MMS22L: variants seen among roughly 807,000 people sequenced by gnomAD.
MMS22L encodes protein MMS22-like.
A neutral mutation model predicts 159.1 loss-of-function variants in MMS22L; 74 were observed. The ratio of observed to expected loss-of-function variants is 0.47; its 90% confidence interval spans 0.39 to 0.56. The LOEUF (loss-of-function observed/expected upper bound fraction) is 0.56, where lower values mean the gene tolerates loss of function less well. Ranked by LOEUF, MMS22L falls within the 20% of genes least tolerant of loss-of-function variation. MMS22L has a pLI of 0.00. For missense variants in MMS22L, 1,351 were observed against 1,422.1 expected (o/e 0.95, Z 0.80); for synonymous variants, 517 against 506.9 (o/e 1.02, Z -0.27).
intron 14 of MMS22L, among the ~76,000 whole-genome samples, chr6:97,197,576 T>A (rs1806668645): frequency 6.6e-6 from 1 of 152,166 alleles, no homozygotes; most frequent in Non-Finnish European, 1.5e-5. Flanking sequence ...GTTTTTGGGA[T>A]TTCAAATACA....
chr6:97,192,195 T>C (rs1040532008), intron 14 of MMS22L, among the ~76,000 whole-genome samples: 1 of 150,066 alleles, frequency 6.7e-6, no homozygotes, highest in Non-Finnish European at 1.5e-5. Context: ...GATGGATGGA[T>C]GGATGGATGG....
chr6:97,204,159 T>A (rs1172869541), intron 14 of MMS22L, among the ~76,000 whole-genome samples: 2 of 152,186 alleles, frequency 1.3e-5, no homozygotes, highest in African/African-American at 4.8e-5. Context: ...GTATTTGTAT[T>A]TTTTTATAAA....
chr6:97,195,884 G>A (rs1160940657), intron 14 of MMS22L, among the ~76,000 whole-genome samples: 1 of 152,150 alleles, frequency 6.6e-6, no homozygotes, highest in Non-Finnish European at 1.5e-5. Context: ...GAAGGAAAAA[G>A]CCAACACTAA....
At chr6:97,163,339 G>A (rs941469265) in intron 21 of MMS22L, among the ~76,000 whole-genome samples, 23 of 151,936 alleles carry the variant, frequency 1.5e-4, no homozygotes, top group Non-Finnish European at 3.2e-4. Flanking sequence ...GAATTCTCAG[G>A]AATTCAGAGA....
chr6:97,153,883 T>C (rs1486341748), intron 22 of MMS22L, among the ~76,000 whole-genome samples: 1 of 152,202 alleles, frequency 6.6e-6, no homozygotes, highest in Non-Finnish European at 1.5e-5. Context: ...ATGAGTATTC[T>C]ACTTTTTGGC....
At chr6:97,249,079 T>C (rs1452746899) in intron 10 of MMS22L, among the ~76,000 whole-genome samples, 5 of 152,118 alleles carry the variant, frequency 3.3e-5, no homozygotes, top group African/African-American at 1.2e-4. Flanking sequence ...GCTGGGGGCT[T>C]TGAGTCAGTT....
chr6:97,231,696 T>C (rs781107161), intron 12 of MMS22L, 44 bp from the exon 13 acceptor site: 9 of 1,387,984 alleles, frequency 6.5e-6, no homozygotes, highest in Admixed American at 1.9e-5. Flanking sequence ...TATTAGTCTC[T>C]TAGTAAATAA....
At position 97,165,292 on chromosome 6, in the gene MMS22L, T is replaced by C. The variant is rs1362305771; in HGVS notation, c.3175A>G (p.Ile1059Val). Residue 1059 changes from isoleucine (I) to valine (V), a missense_variant, in exon 21 of 25, where the codon ATT becomes GTT. By Grantham distance (29) the Ile-to-Val change is conservative. Transcript: ENST00000683635. ...TTCTTTAGAGATGATATTGGTGGAA[T>C]AGTGGCTGTGTTTCTCAATGCCAGC... The part of the protein sequence containing the change: ...VLLALRNTAT[I>V]PPISSLKKCI... 1.9e-6 allele frequency: 3 copies of C among 1,613,214 alleles called. No individual in the cohort carries two copies. Among genetic ancestry groups the C allele is most frequent in the African/African-American group, 2.7e-5 (2 of 74,886 alleles).
intron 10 of MMS22L, among the ~76,000 whole-genome samples, chr6:97,248,736 G>T (rs1812926484): frequency 6.6e-6 from 1 of 152,144 alleles, no homozygotes; most frequent in East Asian, 1.9e-4. Flanking sequence ...GTGCGTGCCT[G>T]TAATCTCAGC....
chr6:97,246,686 TTTCTC>T lies in MMS22L; in HGVS notation c.1120-1_1123del. 1 of 1,593,330 alleles carries T rather than the reference TTTCTC, an allele frequency of 6.3e-7. No individual in the cohort carries two copies. The highest frequency in any genetic ancestry group is 8.5e-7 in the Non-Finnish European group (1 of 1,172,762). On this transcript the variant is annotated splice_acceptor_variant and coding_sequence_variant, in exon 11 of 25. Coordinates refer to ENST00000683635, the MANE Select transcript of MMS22L (RefSeq NM_001350599.2). LOFTEE classifies it high-confidence loss of function. Reference sequence around the variant, plus strand: ...TACAAAGTTCCAATTTGATTCCACTTTTCTCTAGAAAGGGAGAAAATAGTGCATCA... The same window carrying T: ...TACAAAGTTCCAATTTGATTCCACTTTAGAAAGGGAGAAAATAGTGCATCA...
intron 18 of MMS22L, among the ~76,000 whole-genome samples, chr6:97,174,624 G>GGATAACAGAGAGGGGAAGATTACAA (rs1562418825): frequency 6.6e-6 from 1 of 152,006 alleles, no homozygotes; most frequent in African/African-American, 2.4e-5. Context: ...GAAGATTACA[G>GGATAACAGAGAGGGGAAGATTACAA]TGTGGTCACT....
intron 23 of MMS22L, 79 bp downstream of exon 23, chr6:97,151,692 A>T: frequency 9.2e-7 from 1 of 1,086,960 alleles, no homozygotes; most frequent in Non-Finnish European, 1.4e-6. Context: ...TGTTTTGGAT[A>T]ATTAGTTATT....
At chr6:97,172,390 G>A (rs192540379) in intron 19 of MMS22L, among the ~76,000 whole-genome samples, 1 of 151,814 alleles carries the variant, frequency 6.6e-6, no homozygotes, top group African/African-American at 2.4e-5. Flanking sequence ...TTTGACCACA[G>A]AGAAATAAAG....
intron 16 of MMS22L, among the ~76,000 whole-genome samples, chr6:97,180,250 C>T (rs372870147): frequency 2.0e-5 from 3 of 152,148 alleles, no homozygotes; most frequent in East Asian, 3.9e-4. Flanking sequence ...TACAGGCACC[C>T]GCCACCATGC....
intron 14 of MMS22L, among the ~76,000 whole-genome samples, chr6:97,219,308 AG>A: frequency 6.6e-6 from 1 of 152,302 alleles, no homozygotes; most frequent in South Asian, 2.1e-4. Context: ...AGATAAATGA[AG>A]AAAACCAACA....
intron 13 of MMS22L, among the ~76,000 whole-genome samples, chr6:97,230,092 GGTTTTTT>G (rs1011938623): frequency 2.8e-4 from 42 of 151,790 alleles, no homozygotes; most frequent in South Asian, 1.9e-3. Context: ...AGTTGTTGTT[GGTTTTTT>G]GTTTTTTGTT....
chr6:97,267,869 T>C lies in MMS22L; in HGVS notation c.828+3A>G, dbSNP rs1400025879. ...TCAAAAATACAAACTCTTAAAGCAT[T>C]ACCTTGTCGTACCTGTTGAGTGACA... On this transcript the variant is annotated splice_donor_region_variant and intron_variant, in intron 8 of 24. Coordinates refer to ENST00000683635, the MANE Select transcript of MMS22L (RefSeq NM_001350599.2). 2.5e-6 allele frequency: 4 copies of C among 1,598,466 alleles called. No individual in the cohort carries two copies. Among genetic ancestry groups the C allele is most frequent in the South Asian group, 1.1e-5 (1 of 87,790 alleles).
intron 14 of MMS22L, among the ~76,000 whole-genome samples, chr6:97,210,769 G>A (rs1217507217): frequency 6.6e-6 from 1 of 151,872 alleles, no homozygotes; most frequent in Non-Finnish European, 1.5e-5. Context: ...GGGATATTTT[G>A]GTTACACGTT....
At chr6:97,262,930 T>A (rs1413801342) in intron 9 of MMS22L, among the ~76,000 whole-genome samples, 1 of 152,148 alleles carries the variant, frequency 6.6e-6, no homozygotes, top group Admixed American at 6.5e-5. Context: ...CTTCTCTTCC[T>A]CCCTCCTTGA....
Sources: gnomAD v4.1 joint callset for allele counts (sites outside exome capture counted in the v4.1 genomes callset) on GRCh38, gnomAD v4.1.1 for gene constraint, MANE v1.5 for transcripts, NCBI Gene and HGNC (gene_info 2026-07-23, HGNC 2026-07-21) for gene names.